Variants in HCN4 observed in about 807,000 individuals in gnomAD.
HCN4 encodes potassium/sodium hyperpolarization-activated cyclic nucleotide-gated channel 4.
Under a neutral mutation model 76.9 loss-of-function variants are expected in HCN4, and 29 were observed. The ratio of observed to expected loss-of-function variants is 0.38; its 90% CI spans 0.28 to 0.51. HCN4 has a LOEUF of 0.51. Among genes scored for constraint, HCN4 ranks in the 20% least tolerant of loss-of-function variants. The pLI is 0.90. For missense variants in HCN4, 1,416 were observed against 1,715.2 expected (o/e 0.83, Z 3.08); for synonymous variants, 772 against 762.5 (o/e 1.01, Z -0.21).
intron 1 of HCN4, among the ~76,000 whole-genome samples, chr15:73,365,639 G>C (rs1310664426): frequency 6.6e-6 from 1 of 152,196 alleles, no homozygotes; most frequent in Non-Finnish European, 1.5e-5. Flanking sequence ...TCTAAGGTAA[G>C]GGAGATAGGA....
intron 4 of HCN4, among the ~76,000 whole-genome samples, chr15:73,326,727 G>A (rs1273828453): frequency 6.6e-6 from 1 of 151,930 alleles, no homozygotes; most frequent in African/African-American, 2.4e-5. Context: ...CTTGACTCTG[G>A]CCCTAAAATA....
chr15:73,329,820 T>C lies in HCN4; in HGVS notation c.1372-29A>G, dbSNP rs188079757. ...TGGACAGACGGATGGGTGGGGACAG[T>C]GGATGAGAGGGAAGGCCCTTCTCAC... On this transcript the variant is annotated intron_variant, in intron 3 of 7. Coordinates refer to ENST00000261917, the MANE Select transcript of HCN4 (RefSeq NM_005477.3). 4,162 of 1,578,234 alleles carry C rather than the reference T, an allele frequency of 2.6e-3. 6 individuals are homozygous for C. The highest frequency in any genetic ancestry group is 3.2e-3 in the Non-Finnish European group (3,638 of 1,150,578).
At chr15:73,357,565 G>C (rs566721086) in intron 1 of HCN4, among the ~76,000 whole-genome samples, 1 of 152,252 alleles carries the variant, frequency 6.6e-6, no homozygotes, top group Non-Finnish European at 1.5e-5. Flanking sequence ...GGAGGAGAGC[G>C]TGGTTGAGGC....
chr15:73,357,292 C>G (rs1392040306), intron 1 of HCN4, among the ~76,000 whole-genome samples: 1 of 152,182 alleles, frequency 6.6e-6, no homozygotes, highest in Non-Finnish European at 1.5e-5. Flanking sequence ...CAGGCTTGTC[C>G]CCTAGACTCT....
chr15:73,368,513 GCGCT>G lies in HCN4; in HGVS notation c.-247_-244del. 6.1e-6 allele frequency: 2 copies of G among 328,000 alleles called. No homozygotes were observed. The highest frequency in any genetic ancestry group is 1.1e-5 in the Non-Finnish European group (2 of 181,518). 20.3% of individuals were successfully genotyped at this position (328,000 alleles called of 1,614,324 possible). A position where few individuals can be genotyped will look rare whatever the true frequency, so the allele number is the denominator to read the frequency against. On this transcript the variant is annotated 5_prime_UTR_variant, in exon 1 of 8. Coordinates refer to ENST00000261917, the MANE Select transcript of HCN4 (RefSeq NM_005477.3). This position sits in a 1 kb window ranked among gnomAD's most constrained non-coding sequence, Gnocchi z 6.9. ...GGGCCCGGCTGGGCGCGGGGACCCC[GCGCT>G]CCCTTCTTGCCTCCCTCCCTCCCTC...
Position 73,367,751 on chromosome 15 carries a change from G to A in HCN4, c.520C>T (p.Pro174Ser), listed in dbSNP as rs542532555. 1.0e-4 allele frequency: 156 copies of A among 1,558,488 alleles called. No individual in the cohort carries two copies. The highest frequency in any genetic ancestry group is 1.3e-4 in the Non-Finnish European group (148 of 1,160,086). The change falls in exon 1 of 8, where the codon CCG (proline) becomes TCG (serine). Residue 174 changes from proline to serine, a missense_variant. Physicochemically the swap from Pro to Ser is moderately conservative, Grantham distance 74. Coordinates refer to ENST00000261917, the MANE Select transcript of HCN4 (RefSeq NM_005477.3). This position sits in a 1 kb window ranked among gnomAD's most constrained non-coding sequence, Gnocchi z 7.5. ...GGCTGCTCGCAGGAGGCGGAGGCCG[G>A]CTGCGGTGGCTGCTGGGGCGGCGGC... ...SPPPPQQPPQ[P>S]ASASCEQPSV... is the part of the protein sequence containing the mutation.
rs2042850735 is a variant in HCN4, at chr15:73,320,470, G to A, written c.*2011C>T. ...GCATGGAAGGTTCTGGATGGATAAT[G>A]TGGGACCAGCCCTTCTCATTACTTG... On this transcript the variant is annotated 3_prime_UTR_variant, in exon 8 of 8. Transcript: ENST00000261917. 1 of 152,260 alleles carries A rather than the reference G, an allele frequency of 6.6e-6. No homozygotes were observed. The highest frequency in any genetic ancestry group is 1.5e-5 in the Non-Finnish European group (1 of 68,090). 9.4% of individuals were successfully genotyped at this position (152,260 alleles called of 1,614,324 possible).
chr15:73,326,228 C>A (rs773083932), intron 4 of HCN4, among the ~76,000 whole-genome samples: 1 of 152,088 alleles, frequency 6.6e-6, no homozygotes, highest in Non-Finnish European at 1.5e-5. Flanking sequence ...ACACAGACTC[C>A]TCCCGGATGG....
At chr15:73,337,333 A>C (rs2042972724) in intron 2 of HCN4, among the ~76,000 whole-genome samples, 1 of 152,214 alleles carries the variant, frequency 6.6e-6, no homozygotes. Flanking sequence ...GCTTAGCACA[A>C]GCAGGCATCA....
intron 3 of HCN4, among the ~76,000 whole-genome samples, chr15:73,330,495 G>A (rs777865910): frequency 8.5e-5 from 13 of 152,178 alleles, no homozygotes; most frequent in Non-Finnish European, 1.6e-4. Flanking sequence ...CACTGGGATC[G>A]GAAGGGCCAT....
chr15:73,342,763 G>A (rs1244932575), intron 2 of HCN4, among the ~76,000 whole-genome samples: 1 of 152,206 alleles, frequency 6.6e-6, no homozygotes, highest in Non-Finnish European at 1.5e-5. Flanking sequence ...AACTAAGAGA[G>A]TTGCCAACAA....
intron 3 of HCN4, among the ~76,000 whole-genome samples, chr15:73,330,149 C>A (rs1250186812): frequency 1.3e-5 from 2 of 152,230 alleles, no homozygotes; most frequent in Admixed American, 1.3e-4. Flanking sequence ...CAGCTCCACC[C>A]CCCAACCCCC....
At chr15:73,324,805 CT>C in intron 6 of HCN4, 149 bp downstream of exon 6, 1 of 892,974 alleles carries the variant, frequency 1.1e-6, no homozygotes, top group African/African-American at 1.7e-5. Context: ...AGAACCCAGA[CT>C]GACTAAGACA....
chr15:73,343,495 C>T lies in HCN4; in HGVS notation c.1099G>A (p.Val367Ile). The T allele has an allele frequency of 6.2e-7, 1 of 1,614,204 alleles. No individual in the cohort carries two copies. ...CGCAGGGCCCGGGCAGTCTTGTAGACCTCCGAGTCGATGCGTGTCTCCACA... is the reference window on the plus strand; with the variant it reads ...CGCAGGGCCCGGGCAGTCTTGTAGATCTCCGAGTCGATGCGTGTCTCCACA... ...LIVETRIDSE[V>I]YKTARALRIV... The change falls in exon 2 of 8, where the codon GTC (valine) becomes ATC (isoleucine). Residue 367 changes from valine (V) to isoleucine (I), a missense_variant. Physicochemically the swap from Val to Ile is conservative, Grantham distance 29. Transcript: ENST00000261917. The surrounding 1 kb of genome is among the most constrained non-coding windows in gnomAD (Gnocchi z 5.7).
At position 73,332,294 on chromosome 15, in the gene HCN4, T is replaced by C; in HGVS notation, c.1210-2A>G. ...CAGGTCGTAGGTCATGTGGAAGATCTGCCAGCAGAGGAGGAGAAATTGGCT... is the reference window on the plus strand; with the variant it reads ...CAGGTCGTAGGTCATGTGGAAGATCCGCCAGCAGAGGAGGAGAAATTGGCT... On this transcript the variant is annotated splice_acceptor_variant, in intron 2 of 7. Transcript: ENST00000261917. LOFTEE classifies it high-confidence loss of function. 1 of 1,614,138 alleles carries C rather than the reference T, an allele frequency of 6.2e-7. No individual in the cohort carries two copies. The highest frequency in any genetic ancestry group is 8.5e-7 in the Non-Finnish European group (1 of 1,179,984).
chr15:73,362,121 G>C (rs2043107555), intron 1 of HCN4, among the ~76,000 whole-genome samples: 2 of 152,196 alleles, frequency 1.3e-5, no homozygotes, highest in South Asian at 4.2e-4. Context: ...CCAGCATGCG[G>C]GACCAGCAGC....
At chr15:73,341,569 A>T (rs901964274) in intron 2 of HCN4, among the ~76,000 whole-genome samples, 1 of 152,178 alleles carries the variant, frequency 6.6e-6, no homozygotes, top group Non-Finnish European at 1.5e-5. Flanking sequence ...AGTGGACCCA[A>T]AGCTACATGC....
At position 73,367,651 on chromosome 15, in the gene HCN4, C is replaced by T. The variant is rs971709325; in HGVS notation, c.620G>A (p.Arg207His). 1.2e-6 allele frequency: 2 copies of T among 1,610,114 alleles called. No homozygotes were observed. The highest frequency in any genetic ancestry group is 1.7e-6 in the Non-Finnish European group (2 of 1,179,912). ...CTGCATGAAGCCGGCCTGGCCCAGGCGCACCTCGGCCTCCGGGAGGATCTG... is the reference window on the plus strand; with the variant it reads ...CTGCATGAAGCCGGCCTGGCCCAGGTGCACCTCGGCCTCCGGGAGGATCTG... Reference protein sequence around the residue: ...GDQILPEAEVRLGQAGFMQRQ... With the variant: ...GDQILPEAEVHLGQAGFMQRQ... Residue 207 changes from arginine to histidine, a missense_variant, in exon 1 of 8, where the codon CGC (arginine) becomes CAC (histidine). Physicochemically the swap from Arg to His is conservative, Grantham distance 29. This residue lies in a region of HCN4 where 355 missense variants were observed against 347.8 expected (regional missense o/e 1.02). Coordinates refer to ENST00000261917, the MANE Select transcript of HCN4 (RefSeq NM_005477.3). The surrounding 1 kb of genome is among the most constrained non-coding windows in gnomAD (Gnocchi z 7.5).
intron 1 of HCN4, among the ~76,000 whole-genome samples, chr15:73,356,725 C>G (rs2043082907): frequency 1.3e-5 from 2 of 151,974 alleles, no homozygotes; most frequent in African/African-American, 4.8e-5. Flanking sequence ...GCCTTCTCTC[C>G]AGGAAAACAC....
Sources: allele counts gnomAD v4.1 joint callset (sites outside exome capture counted in the v4.1 genomes callset), GRCh38; gene constraint gnomAD v4.1.1; regional missense constraint gnomAD v4.1.1; non-coding constraint Gnocchi (gnomAD v3.1); transcripts MANE v1.5; gene names NCBI Gene and HGNC (gene_info 2026-07-23, HGNC 2026-07-21).